The following SPOCK1 variants were observed in gnomAD, a reference collection of about 807,000 sequenced individuals.
The protein encoded by SPOCK1 is SPARC (osteonectin), cwcv and kazal like domains proteoglycan 1.
Under a neutral mutation model 55.3 loss-of-function variants are expected in SPOCK1, and 23 were observed. The observed-to-expected ratio is 0.42, with a 90% CI of 0.30 to 0.59. The LOEUF is 0.59. Among genes scored for constraint, SPOCK1 ranks in the 20% least tolerant of loss-of-function variants. SPOCK1 has a pLI of 0.22. For synonymous variants in SPOCK1, 226 were observed against 221.0 expected (o/e 1.02, Z -0.20); for missense variants, 499 against 552.5 (o/e 0.90, Z 0.97).
intron 2 of SPOCK1, among the ~76,000 whole-genome samples, chr5:137,414,904 G>C (rs1422059332): frequency 9.3e-6 from 1 of 108,108 alleles, no homozygotes; most frequent in Non-Finnish European, 1.7e-5. Flanking sequence ...ATTACATCTT[G>C]TCCCTTAGGT....
chr5:137,217,840 G>C (rs1341599113), intron 3 of SPOCK1, among the ~76,000 whole-genome samples: 1 of 152,116 alleles, frequency 6.6e-6, no homozygotes, highest in Non-Finnish European at 1.5e-5. Context: ...TGTATCCAAG[G>C]TATCGTGGTT....
At chr5:137,438,244 G>A (rs911660435) in intron 2 of SPOCK1, among the ~76,000 whole-genome samples, 41 of 151,938 alleles carry the variant, frequency 2.7e-4, no homozygotes, top group African/African-American at 8.7e-4. Context: ...AGATGATGGC[G>A]GTCTGCCCTC....
intron 2 of SPOCK1, among the ~76,000 whole-genome samples, chr5:137,497,633 C>G (rs1211182729): frequency 6.6e-6 from 1 of 152,176 alleles, no homozygotes; most frequent in Non-Finnish European, 1.5e-5. Context: ...AGCCTTGAGG[C>G]AGAAACAGGC....
intron 2 of SPOCK1, among the ~76,000 whole-genome samples, chr5:137,435,648 A>T (rs534923756): frequency 1.3e-5 from 2 of 152,310 alleles, no homozygotes; most frequent in Admixed American, 6.5e-5. Context: ...AGGCATTGAA[A>T]GGCTTAAGAT....
At chr5:137,079,479 T>A (rs1390925494) in intron 5 of SPOCK1, among the ~76,000 whole-genome samples, 1 of 151,602 alleles carries the variant, frequency 6.6e-6, no homozygotes, top group Non-Finnish European at 1.5e-5. Flanking sequence ...ATCTGGACTG[T>A]CACAGTCCAA....
chr5:137,380,593 T>A (rs1343316454), intron 2 of SPOCK1, among the ~76,000 whole-genome samples: 1 of 152,138 alleles, frequency 6.6e-6, no homozygotes, highest in Admixed American at 6.5e-5. Flanking sequence ...TGGCAGAAGA[T>A]GAAGGGAAAC....
At chr5:137,411,448 C>T (rs1390742418) in intron 2 of SPOCK1, among the ~76,000 whole-genome samples, 1 of 152,096 alleles carries the variant, frequency 6.6e-6, no homozygotes, top group Non-Finnish European at 1.5e-5. Flanking sequence ...CCTTGTTGGG[C>T]ATGTTGAGTT....
At chr5:137,104,083 G>A (rs181204211) in intron 5 of SPOCK1, among the ~76,000 whole-genome samples, 46 of 152,308 alleles carry the variant, frequency 3.0e-4, no homozygotes, top group Non-Finnish European at 8.8e-5. Context: ...ATATGGTTTG[G>A]ATCTGTGTTC....
At chr5:137,282,269 A>G (rs1757180232) in intron 2 of SPOCK1, among the ~76,000 whole-genome samples, 1 of 152,214 alleles carries the variant, frequency 6.6e-6, no homozygotes, top group Non-Finnish European at 1.5e-5. Flanking sequence ...CTCTGAGGAG[A>G]TTTTTAAAAA....
chr5:137,277,896 T>C (rs1368315856), intron 2 of SPOCK1, among the ~76,000 whole-genome samples: 1 of 152,098 alleles, frequency 6.6e-6, no homozygotes, highest in Non-Finnish European at 1.5e-5. Context: ...CACAGGAGTC[T>C]CCTGCCTTTG....
At position 137,437,047 on chromosome 5, in the gene SPOCK1, G is replaced by A. The variant is rs74530519; in HGVS notation, c.186+61326C>T. Among the ~76,000 whole-genome samples the A allele has an allele frequency of 4.5e-3, 681 of 152,274 alleles. 6 individuals carry two copies. Among genetic ancestry groups the A allele is most frequent in the African/African-American group, 0.016 (649 of 41,566 alleles). On this transcript the variant is annotated intron_variant, in intron 2 of 10. Transcript: ENST00000394945. Reference sequence around the variant, plus strand: ...GACAGAACTGGGTGGGCTACACTGTGTAGCAGACTCACAATTGTTCTTTCA... The same window carrying A: ...GACAGAACTGGGTGGGCTACACTGTATAGCAGACTCACAATTGTTCTTTCA...
At chr5:137,465,286 A>G (rs1471382726) in intron 2 of SPOCK1, among the ~76,000 whole-genome samples, 1 of 152,212 alleles carries the variant, frequency 6.6e-6, no homozygotes, top group Non-Finnish European at 1.5e-5. Context: ...CTGAGGTTAG[A>G]AAACAACTCT....
At chr5:137,258,259 G>A (rs1756676299) in intron 3 of SPOCK1, among the ~76,000 whole-genome samples, 1 of 152,230 alleles carries the variant, frequency 6.6e-6, no homozygotes, top group African/African-American at 2.4e-5. Flanking sequence ...CCCATTCTCT[G>A]AGACTGCAAA....
At chr5:137,070,532 TG>T (rs1316631474) in intron 5 of SPOCK1, among the ~76,000 whole-genome samples, 1 of 152,212 alleles carries the variant, frequency 6.6e-6, no homozygotes, top group East Asian at 1.9e-4. Flanking sequence ...CAATTCACTT[TG>T]CTGCTCTGGA....
intron 2 of SPOCK1, among the ~76,000 whole-genome samples, chr5:137,475,449 A>G: frequency 6.6e-6 from 1 of 152,232 alleles, no homozygotes; most frequent in East Asian, 1.9e-4. Flanking sequence ...ACAAGGTTCT[A>G]GCTAAAGTAA....
intron 3 of SPOCK1, among the ~76,000 whole-genome samples, chr5:137,179,699 T>C (rs6866652): frequency 0.51 from 78,056 of 151,816 alleles, 20,406 homozygotes; most frequent in Non-Finnish European, 0.56. Context: ...TAGCCAAGAG[T>C]ATGAGGTATA....
intron 3 of SPOCK1, among the ~76,000 whole-genome samples, chr5:137,183,224 C>T (rs545932314): frequency 3.3e-4 from 51 of 152,272 alleles, no homozygotes; most frequent in African/African-American, 1.2e-3. Flanking sequence ...TCCCCAGTCA[C>T]ATTTGGCAAA....
chr5:137,477,199 A>G (rs1293246958), intron 2 of SPOCK1, among the ~76,000 whole-genome samples: 1 of 152,204 alleles, frequency 6.6e-6, no homozygotes, highest in African/African-American at 2.4e-5. Flanking sequence ...GCATTTTAAA[A>G]CGAAGGGGGC....
intron 3 of SPOCK1, among the ~76,000 whole-genome samples, chr5:137,155,365 C>T (rs1201227075): frequency 6.6e-6 from 1 of 152,194 alleles, no homozygotes; most frequent in African/African-American, 2.4e-5. Context: ...GGTGAGTCCC[C>T]TTCTCAATGG....
Sources: gnomAD v4.1 joint callset for allele counts (sites outside exome capture counted in the v4.1 genomes callset) on GRCh38, gnomAD v4.1.1 for gene constraint, MANE v1.5 for transcripts, NCBI Gene and HGNC (gene_info 2026-07-23, HGNC 2026-07-21) for gene names.